RPS6KA2: variants seen among roughly 807,000 people sequenced by gnomAD.
The protein encoded by RPS6KA2 is ribosomal protein S6 kinase A2.
In RPS6KA2, 42 loss-of-function variants were observed where a neutral mutation model predicts 91.8. The ratio of observed to expected loss-of-function variants is 0.46; its 90% confidence interval spans 0.36 to 0.59. RPS6KA2 has a LOEUF of 0.59. RPS6KA2 is among the 20% of genes least tolerant of loss of function. RPS6KA2 has a pLI of 0.00. For missense variants in RPS6KA2, 798 were observed against 978.5 expected, an observed-to-expected ratio of 0.82 and a Z score of 2.46; for synonymous variants, 414 against 393.6, an observed-to-expected ratio of 1.05 and a Z score of -0.61.
intron 2 of RPS6KA2, among the ~76,000 whole-genome samples, chr6:166,840,692 G>A (rs144980282): frequency 3.3e-4 from 50 of 152,312 alleles, no homozygotes; most frequent in East Asian, 3.3e-3. Flanking sequence ...AGAAAGCTGG[G>A]CCGGGCGTGG....
chr6:166,686,374 GCTT>G (rs1286400830), intron 2 of RPS6KA2, among the ~76,000 whole-genome samples: 1 of 152,174 alleles, frequency 6.6e-6, no homozygotes, highest in African/African-American at 2.4e-5. Flanking sequence ...CAACTTTTCT[GCTT>G]TTTTGTATGC....
chr6:166,530,257 T>A (rs11961008), intron 3 of RPS6KA2, among the ~76,000 whole-genome samples: 26,871 of 152,022 alleles, frequency 0.18, 2,528 homozygotes, highest in South Asian at 0.25. Flanking sequence ...TGTGCCCCCC[T>A]CCCAGAGAGA....
intron 1 of RPS6KA2, among the ~76,000 whole-genome samples, chr6:166,567,425 G>A (rs1048595254): frequency 1.3e-5 from 2 of 152,212 alleles, no homozygotes. Flanking sequence ...AAGGAAAAAT[G>A]AGTGGCCACG....
intron 2 of RPS6KA2, among the ~76,000 whole-genome samples, chr6:166,792,417 C>T (rs1015997661): frequency 2.0e-5 from 3 of 151,776 alleles, no homozygotes; most frequent in Admixed American, 1.3e-4. Flanking sequence ...CCGAATTCTA[C>T]CAGAGGTACA....
rs116234852 is a variant in RPS6KA2, at chr6:166,673,747, G to C, written c.124-134963C>G. Among the ~76,000 whole-genome samples the C allele has an allele frequency of 4.3e-3, 648 of 152,200 alleles. 4 individuals are homozygous for C. The highest frequency in any genetic ancestry group is 0.015 in the African/African-American group (621 of 41,516). On this transcript the variant is annotated intron_variant, in intron 2 of 21. Coordinates refer to the RPS6KA2 transcript ENST00000503859. ...TTCTTTTGTGATTTTTCTTTTTTTA[G>C]CTCATCAGCTATTGTTAGTGTATTT...
chr6:166,555,795 C>G (rs558586285), intron 1 of RPS6KA2, among the ~76,000 whole-genome samples: 1 of 152,248 alleles, frequency 6.6e-6, no homozygotes, highest in Admixed American at 6.5e-5. Context: ...CAGATAGGTC[C>G]TTCATCTGGG....
chr6:166,584,549 T>C (rs1785111861), intron 1 of RPS6KA2, among the ~76,000 whole-genome samples: 5 of 152,216 alleles, frequency 3.3e-5, no homozygotes. Flanking sequence ...GCCAGTTATG[T>C]CATGACATCA....
At chr6:166,841,990 C>T (rs1468054073) in intron 2 of RPS6KA2, among the ~76,000 whole-genome samples, 5 of 152,124 alleles carry the variant, frequency 3.3e-5, no homozygotes, top group African/African-American at 1.2e-4. Flanking sequence ...TGGCATCTCT[C>T]GAGCGAACAA....
chr6:166,581,358 C>T (rs1194111690), intron 1 of RPS6KA2, among the ~76,000 whole-genome samples: 1 of 152,212 alleles, frequency 6.6e-6, no homozygotes, highest in Non-Finnish European at 1.5e-5. Context: ...CCAGCGCCTT[C>T]TGGGGCCTAG....
chr6:166,789,250 C>G (rs1406080064), intron 2 of RPS6KA2, among the ~76,000 whole-genome samples: 1 of 152,226 alleles, frequency 6.6e-6, no homozygotes, highest in Non-Finnish European at 1.5e-5. Flanking sequence ...CCCACGGAGT[C>G]TCGCTGATTG....
At chr6:166,476,695 A>C (rs549843576) in intron 10 of RPS6KA2, among the ~76,000 whole-genome samples, 1 of 152,120 alleles carries the variant, frequency 6.6e-6, no homozygotes, top group Admixed American at 6.5e-5. Context: ...GAGAGTCTAC[A>C]GCTCGAGGGG....
rs968338004 is a variant in RPS6KA2 at position 166,612,190 on chromosome 6, T to TG, written c.99+14730dup. Among the ~76,000 whole-genome samples, 12 of 151,942 alleles carry TG rather than the reference T, an allele frequency of 7.9e-5. No homozygotes were observed. Among genetic ancestry groups the TG allele is most frequent in the African/African-American group, 1.5e-4 (6 of 41,352 alleles). On this transcript the variant is annotated intron_variant, in intron 1 of 20. Coordinates refer to ENST00000265678, the MANE Select transcript of RPS6KA2 (RefSeq NM_021135.6). This position sits in a 1 kb window ranked among gnomAD's most constrained non-coding sequence, Gnocchi z 4.3. Reference sequence around the variant, plus strand: ...AGGGCCAGGGAACTCACTGACCATCTGGGGGGGCTCTAGGAAAAGCCTGGA... The same window carrying TG: ...AGGGCCAGGGAACTCACTGACCATCTGGGGGGGGCTCTAGGAAAAGCCTGGA...
Position 166,557,829 on chromosome 6 carries a change from C to CTAAA in RPS6KA2, c.100-19046_100-19045insTTTA, listed in dbSNP as rs1784220174. ...ATATTTTCCATAACAACTTGCAAAA[C>CTAAA]ATTTTAGCCCCAGTTCACCATCCAA... On this transcript the variant is annotated intron_variant, in intron 1 of 20. Transcript: ENST00000265678. The surrounding 1 kb of genome is among the most constrained non-coding windows in gnomAD (Gnocchi z 4.8). Among the ~76,000 whole-genome samples the CTAAA allele has an allele frequency of 6.6e-6, 1 of 152,124 alleles. No homozygotes were observed. Among genetic ancestry groups the CTAAA allele is most frequent in the African/African-American group, 2.4e-5 (1 of 41,414 alleles).
At chr6:166,796,357 G>A (rs13437312) in intron 2 of RPS6KA2, among the ~76,000 whole-genome samples, 25,081 of 152,126 alleles carry the variant, frequency 0.16, 2,220 homozygotes, top group African/African-American at 0.2. Flanking sequence ...TTGGGAGGCC[G>A]AGGCGGGCGG....
At chr6:166,488,080 G>T (rs1265723527) in intron 10 of RPS6KA2, among the ~76,000 whole-genome samples, 1 of 143,400 alleles carries the variant, frequency 7.0e-6, no homozygotes, top group African/African-American at 2.5e-5. Flanking sequence ...TATCTATGAG[G>T]TTAGAGTTTA....
intron 1 of RPS6KA2, among the ~76,000 whole-genome samples, chr6:166,617,997 C>A (rs147694464): frequency 0.011 from 1,673 of 152,340 alleles, 18 homozygotes; most frequent in Middle Eastern, 0.027. Flanking sequence ...TGGGGAGAAC[C>A]CGTGTGCTCT....
At chr6:166,593,786 A>C (rs1022608427) in intron 1 of RPS6KA2, among the ~76,000 whole-genome samples, 4 of 152,206 alleles carry the variant, frequency 2.6e-5, no homozygotes, top group African/African-American at 9.7e-5. Flanking sequence ...ATCAATAAAC[A>C]TATGAACAAA....
intron 19 of RPS6KA2, among the ~76,000 whole-genome samples, chr6:166,417,620 T>TAC (rs10568123): frequency 0.05 from 7,409 of 148,518 alleles, 211 homozygotes; most frequent in African/African-American, 0.069. Flanking sequence ...TCTCTCTCTA[T>TAC]ACACACACAC....
At chr6:166,739,650 G>C (rs1433229471) in intron 2 of RPS6KA2, among the ~76,000 whole-genome samples, 2 of 152,202 alleles carry the variant, frequency 1.3e-5, no homozygotes. Flanking sequence ...GGGACCCCAC[G>C]GTCATTGAGA....
Sources: allele counts gnomAD v4.1 joint callset (sites outside exome capture counted in the v4.1 genomes callset), GRCh38; gene constraint gnomAD v4.1.1; non-coding constraint Gnocchi (gnomAD v3.1); transcripts MANE v1.5; gene names NCBI Gene and HGNC (gene_info 2026-07-23, HGNC 2026-07-21).